Variants in ADAM22 observed in about 807,000 individuals in gnomAD.
ADAM22 encodes the protein ADAM metallopeptidase domain 22.
ADAM22 carries 65 observed loss-of-function variants against 144.6 expected under a neutral mutation model. The ratio of observed to expected loss-of-function variants is 0.45; its 90% CI spans 0.37 to 0.55. The LOEUF is 0.55. Among genes scored for constraint, ADAM22 ranks in the 20% least tolerant of loss-of-function variants. ADAM22 has a pLI of 0.00. For missense variants in ADAM22, 974 were observed against 1,184.9 expected, an observed-to-expected ratio of 0.82 and a Z score of 2.61; for synonymous variants, 391 against 412.6, an observed-to-expected ratio of 0.95 and a Z score of 0.63.
At chr7:87,968,685 G>A (rs916447292) in intron 2 of ADAM22, among the ~76,000 whole-genome samples, 1 of 152,174 alleles carries the variant, frequency 6.6e-6, no homozygotes, top group African/African-American at 2.4e-5. Context: ...CTGTGCAACT[G>A]CACTCCAGAC....
intron 22 of ADAM22, among the ~76,000 whole-genome samples, chr7:88,156,459 A>G (rs925426351): frequency 6.6e-6 from 1 of 152,144 alleles, no homozygotes; most frequent in Non-Finnish European, 1.5e-5. Context: ...AAGCAAATGG[A>G]TGTGTGGCAC....
chr7:88,194,917 A>G (rs901267890), intron 31 of ADAM22, among the ~76,000 whole-genome samples: 19 of 152,354 alleles, frequency 1.2e-4, no homozygotes, highest in African/African-American at 4.6e-4. Flanking sequence ...TTCAATAAAA[A>G]GGGCATATAA....
chr7:88,157,678 G>C (rs1444656328), intron 22 of ADAM22, among the ~76,000 whole-genome samples: 1 of 152,050 alleles, frequency 6.6e-6, no homozygotes, highest in Non-Finnish European at 1.5e-5. Flanking sequence ...CTACGAAACC[G>C]GCACATGTGG....
At chr7:88,080,713 C>A (rs1036089141) in intron 4 of ADAM22, among the ~76,000 whole-genome samples, 1 of 152,126 alleles carries the variant, frequency 6.6e-6, no homozygotes, top group Non-Finnish European at 1.5e-5. Flanking sequence ...GAGAATACTA[C>A]AAACACCTCT....
At chr7:88,171,432 A>G in intron 25 of ADAM22, 112 bp from the exon 26 acceptor site, 2 of 928,680 alleles carry the variant, frequency 2.2e-6, no homozygotes, top group Non-Finnish European at 3.3e-6. Flanking sequence ...TCCTCTAGTG[A>G]AGACTTTTCA....
rs762959985 is a variant in ADAM22 at position 88,134,436 on chromosome 7, G to C, written c.1168+17G>C. 57 of 1,553,260 alleles carry C rather than the reference G, an allele frequency of 3.7e-5. No homozygotes were observed. The highest frequency in any genetic ancestry group is 4.4e-5 in the Non-Finnish European group (50 of 1,133,010). On this transcript the variant is annotated intron_variant, in intron 13 of 31. Transcript: ENST00000413139. The stretch of plus-strand genomic sequence containing the variant: ...TAGCAAGTGGTAAGTTTTAGTACAT[G>C]TGTGGTTAGTTGTATTTAAAATAGA...
chr7:88,068,670 A>G (rs927648602), intron 3 of ADAM22, among the ~76,000 whole-genome samples: 2 of 152,160 alleles, frequency 1.3e-5, no homozygotes, highest in Non-Finnish European at 2.9e-5. Context: ...GATATGCTTT[A>G]TGTAGTGTCA....
At chr7:87,964,582 G>GT (rs1848640844) in intron 2 of ADAM22, 3 of 397,984 alleles carry the variant, frequency 7.5e-6, no homozygotes, top group Non-Finnish European at 9.6e-6. Flanking sequence ...AACCCCTTAG[G>GT]TTTTTTATTA....
chr7:88,145,378 C>A (rs756432152), intron 16 of ADAM22, 37 bp from the exon 17 acceptor site: 1 of 1,557,782 alleles, frequency 6.4e-7, no homozygotes, highest in East Asian at 2.2e-5. Context: ...AAAGTGACAC[C>A]GTTTTCTGAT....
At chr7:88,177,700 C>T (rs1220201192) in intron 26 of ADAM22, among the ~76,000 whole-genome samples, 1 of 152,074 alleles carries the variant, frequency 6.6e-6, no homozygotes, top group East Asian at 1.9e-4. Flanking sequence ...AATCATTCAA[C>T]AGAATGAATG....
chr7:88,113,194 A>G (rs1462086115), intron 5 of ADAM22, among the ~76,000 whole-genome samples: 6 of 132,812 alleles, frequency 4.5e-5, no homozygotes, highest in Non-Finnish European at 7.7e-5. Flanking sequence ...GTTAAATGAC[A>G]TGTCCATTTT....
intron 2 of ADAM22, among the ~76,000 whole-genome samples, chr7:87,957,091 C>T (rs1186536405): frequency 6.6e-6 from 1 of 152,192 alleles, no homozygotes; most frequent in African/African-American, 2.4e-5. Flanking sequence ...CAGGATTCCT[C>T]ACAGGTAAGC....
chr7:88,050,273 G>A (rs1805901577), intron 3 of ADAM22, among the ~76,000 whole-genome samples: 1 of 147,576 alleles, frequency 6.8e-6, no homozygotes, highest in African/African-American at 2.5e-5. Context: ...CATGCCTGTA[G>A]TCCCAGCTCC....
intron 21 of ADAM22, among the ~76,000 whole-genome samples, chr7:88,154,006 G>A (rs1391897305): frequency 6.6e-6 from 1 of 152,120 alleles, no homozygotes; most frequent in Non-Finnish European, 1.5e-5. Flanking sequence ...TTAATAGTGA[G>A]AACAGTACCC....
intron 3 of ADAM22, among the ~76,000 whole-genome samples, chr7:87,990,455 T>C (rs1029301364): frequency 4.6e-5 from 7 of 152,190 alleles, no homozygotes; most frequent in African/African-American, 1.7e-4. Flanking sequence ...TTTTAAATAA[T>C]TATTAGGAGA....
intron 8 of ADAM22, among the ~76,000 whole-genome samples, chr7:88,126,643 C>T (rs1349707976): frequency 6.6e-6 from 1 of 151,880 alleles, no homozygotes; most frequent in East Asian, 1.9e-4. Context: ...GGAAGTTTTG[C>T]ACATTTTGAT....
chr7:88,147,333 G>A (rs1368087316), intron 17 of ADAM22, among the ~76,000 whole-genome samples: 1 of 152,188 alleles, frequency 6.6e-6, no homozygotes, highest in African/African-American at 2.4e-5. Context: ...AAGAAACTGT[G>A]TGTATCTCTA....
chr7:87,946,514 A>C (rs1843702883), intron 2 of ADAM22, among the ~76,000 whole-genome samples: 1 of 152,120 alleles, frequency 6.6e-6, no homozygotes, highest in African/African-American at 2.4e-5. Context: ...AAGCATCTTG[A>C]GTTAATTTTT....
At position 88,113,660 on chromosome 7, in the gene ADAM22, G is replaced by GTA. The variant is rs1161858622; in HGVS notation, c.474-923_474-922insAT. The stretch of plus-strand genomic sequence containing the variant: ...CTGTCATATGTATGTGTATGTGTGT[G>GTA]TGTATATATATATATAATATATATA... On this transcript the variant is annotated intron_variant, in intron 5 of 31. Transcript: ENST00000413139. Among the ~76,000 whole-genome samples the GTA allele has an allele frequency of 3.0e-3, 354 of 116,664 alleles. 11 individuals carry two copies. Among genetic ancestry groups the GTA allele is most frequent in the African/African-American group, 0.013 (340 of 25,628 alleles). The allele number at this position is 116,664 out of a possible 152,430, so 76.5% of individuals were successfully genotyped here.
Sources: gnomAD v4.1 joint callset for allele counts (sites outside exome capture counted in the v4.1 genomes callset) on GRCh38, gnomAD v4.1.1 for gene constraint, MANE v1.5 for transcripts, NCBI Gene and HGNC (gene_info 2026-07-23, HGNC 2026-07-21) for gene names.